The following NPY2R variants were observed in gnomAD, a reference collection of about 807,000 sequenced individuals.
The protein encoded by NPY2R is neuropeptide Y receptor type 2.
Under a neutral mutation model 22.3 loss-of-function variants are expected in NPY2R, and 17 were observed. That is an observed-to-expected ratio of 0.76 (90% CI 0.52 to 1.14). The LOEUF (loss-of-function observed/expected upper bound fraction) is 1.14. NPY2R is among the 50% of genes most tolerant of loss of function. The pLI is 0.00. For missense variants in NPY2R, 424 were observed against 467.9 expected, an observed-to-expected ratio of 0.91 and a Z score of 0.87; for synonymous variants, 209 against 183.4, an observed-to-expected ratio of 1.14 and a Z score of -1.13.
chr4:155,187,844 T>C, the NPY2R span, among the ~76,000 whole-genome samples: 8 of 152,302 alleles, frequency 5.3e-5, no homozygotes, highest in African/African-American at 1.9e-4. Context: ...AAATGTTTAA[T>C]GTCGTACAGA....
At chr4:155,184,687 T>C in the NPY2R span, among the ~76,000 whole-genome samples, 18 of 152,126 alleles carry the variant, frequency 1.2e-4, no homozygotes, top group Non-Finnish European at 2.4e-4. Flanking sequence ...TTTCTTAGTG[T>C]TTTCTTTGTC....
the NPY2R span, among the ~76,000 whole-genome samples, chr4:155,183,529 T>G: frequency 1.2e-4 from 18 of 152,328 alleles, no homozygotes; most frequent in Non-Finnish European, 2.2e-4. Context: ...TTGTTTGTTT[T>G]TCTGGAAGAA....
At chr4:155,199,094 G>T in the NPY2R span, among the ~76,000 whole-genome samples, 2 of 151,926 alleles carry the variant, frequency 1.3e-5, no homozygotes, top group Non-Finnish European at 2.9e-5. Context: ...TTGTTTATGT[G>T]TACTGAACAC....
chr4:155,178,153 T>C, the NPY2R span, among the ~76,000 whole-genome samples: 1 of 152,178 alleles, frequency 6.6e-6, no homozygotes, highest in Non-Finnish European at 1.5e-5. Flanking sequence ...TTTGAAATAC[T>C]GTGAGATCAT....
rs772510641 is a variant in NPY2R, at chr4:155,215,224, T to C, written c.*139T>C. ...ATGGAAGCATCTGCTGTTTAATTCC[T>C]GGAAAACTGGCTGGGCAGAGCCTGT... On this transcript the variant is annotated 3_prime_UTR_variant, in exon 2 of 2. Transcript: ENST00000329476. 7 of 853,890 alleles carry C rather than the reference T, an allele frequency of 8.2e-6. No homozygotes were observed. Among genetic ancestry groups the C allele is most frequent in the Non-Finnish European group, 1.4e-5 (7 of 512,110 alleles). The allele number at this position is 853,890 out of a possible 1,614,324, so 52.9% of individuals were successfully genotyped here.
the NPY2R span, among the ~76,000 whole-genome samples, chr4:155,175,216 T>C: frequency 6.6e-6 from 1 of 152,152 alleles, no homozygotes; most frequent in Admixed American, 6.6e-5. Context: ...GGTTTTGCCA[T>C]TATGATTTCA....
upstream of NPY2R, among the ~76,000 whole-genome samples, chr4:155,205,089 G>C (rs1476988024): frequency 6.6e-6 from 1 of 152,026 alleles, no homozygotes; most frequent in Non-Finnish European, 1.5e-5. Context: ...GCTGTTCAAG[G>C]GTCAACTATA....
chr4:155,185,044 A>ATTT, the NPY2R span, among the ~76,000 whole-genome samples: 11 of 140,622 alleles, frequency 7.8e-5, no homozygotes, highest in African/African-American at 1.3e-4. Context: ...ATATATATAT[A>ATTT]TTTTTTTTTT....
At chr4:155,174,484 A>ATATATATATATATATATATATATATAT in the NPY2R span, among the ~76,000 whole-genome samples, 55 of 106,042 alleles carry the variant, frequency 5.2e-4, no homozygotes, top group African/African-American at 1.4e-3. Context: ...ATATATATAT[A>ATATATATATATATATATATATATATAT]TTTTTTTTTT....
the NPY2R span, among the ~76,000 whole-genome samples, chr4:155,203,076 A>G: frequency 6.6e-6 from 1 of 152,140 alleles, no homozygotes; most frequent in Non-Finnish European, 1.5e-5. Context: ...GATGATTGCT[A>G]AAAAGTAAAA....
chr4:155,213,366 G>A (rs1729444082), intron 1 of NPY2R, among the ~76,000 whole-genome samples: 1 of 152,054 alleles, frequency 6.6e-6, no homozygotes, highest in South Asian at 2.1e-4. Context: ...AATCTGCTTG[G>A]TTTATCTGAG....
the NPY2R span, among the ~76,000 whole-genome samples, chr4:155,176,974 AT>A: frequency 6.6e-6 from 1 of 152,098 alleles, no homozygotes; most frequent in Admixed American, 6.6e-5. Context: ...TTATCACATA[AT>A]CACTTCCTAG....
the NPY2R span, among the ~76,000 whole-genome samples, chr4:155,199,537 C>T: frequency 3.3e-5 from 5 of 151,884 alleles, no homozygotes; most frequent in African/African-American, 9.7e-5. Flanking sequence ...TATATGGAAC[C>T]AAAAAAGAGC....
At chr4:155,200,703 G>A in the NPY2R span, among the ~76,000 whole-genome samples, 101 of 152,246 alleles carry the variant, frequency 6.6e-4, 1 homozygote, top group African/African-American at 2.3e-3. Context: ...GTCCTTTGCA[G>A]GGACATGGAT....
At chr4:155,205,779 T>G (rs1421440161), upstream of NPY2R, among the ~76,000 whole-genome samples, 1 of 151,906 alleles carries the variant, frequency 6.6e-6, no homozygotes, top group Non-Finnish European at 1.5e-5. Flanking sequence ...TGTTACAATA[T>G]TGGAGGCCCA....
upstream of NPY2R, chr4:155,208,261 G>C (rs1031535944): frequency 1.3e-5 from 2 of 152,328 alleles, no homozygotes; most frequent in African/African-American, 4.8e-5. This position sits in a 1 kb window ranked among gnomAD's most constrained non-coding sequence, Gnocchi z 5.6. Context: ...CTCCAGCCCC[G>C]GCCCTCCTCC....
chr4:155,205,076 T>A (rs1409624526), upstream of NPY2R, among the ~76,000 whole-genome samples: 1 of 152,220 alleles, frequency 6.6e-6, no homozygotes, highest in Non-Finnish European at 1.5e-5. Flanking sequence ...CAGTTCAAAC[T>A]GTGCTGTTCA....
the NPY2R span, among the ~76,000 whole-genome samples, chr4:155,190,165 A>G: frequency 1.3e-5 from 2 of 151,998 alleles, no homozygotes; most frequent in African/African-American, 2.4e-5. Context: ...AATTCAAGTA[A>G]AATTTTAAAA....
chr4:155,202,798 AATAT>A, the NPY2R span, among the ~76,000 whole-genome samples: 1 of 152,146 alleles, frequency 6.6e-6, no homozygotes, highest in African/African-American at 2.4e-5. Context: ...ATGATTCAAA[AATAT>A]ATATCAAATT....
Sources: gnomAD v4.1 joint callset for allele counts (sites outside exome capture counted in the v4.1 genomes callset) on GRCh38, gnomAD v4.1.1 for gene constraint, Gnocchi (gnomAD v3.1) non-coding constraint, MANE v1.5 for transcripts, NCBI Gene and HGNC (gene_info 2026-07-23, HGNC 2026-07-21) for gene names.